Variants in ERI3 observed in about 807,000 individuals in gnomAD.
The protein encoded by ERI3 is ERI1 exoribonuclease family member 3.
ERI3 carries 18 observed loss-of-function variants against 44.4 expected under a neutral mutation model. The ratio of observed to expected loss-of-function variants is 0.41; its 90% CI spans 0.28 to 0.60. The LOEUF (loss-of-function observed/expected upper bound fraction) is 0.60. ERI3 is among the 20% of genes least tolerant of loss of function. The pLI is 0.36. For missense variants in ERI3, 294 were observed against 435.5 expected (o/e 0.68, Z 2.89); for synonymous variants, 183 against 164.8 (o/e 1.11, Z -0.84).
chr1:44,281,463 T>G (rs1000475048), intron 7 of ERI3, among the ~76,000 whole-genome samples: 3 of 151,484 alleles, frequency 2.0e-5, no homozygotes, highest in African/African-American at 7.3e-5. Context: ...TGGTGGGCAC[T>G]TGTAGTCCCA....
At chr1:44,282,948 T>G (rs1313512344) in intron 7 of ERI3, among the ~76,000 whole-genome samples, 1 of 152,164 alleles carries the variant, frequency 6.6e-6, no homozygotes, top group Non-Finnish European at 1.5e-5. Flanking sequence ...TGGCCCTGAG[T>G]GACAACGTTA....
At chr1:44,301,033 T>G (rs1645714178) in intron 6 of ERI3, among the ~76,000 whole-genome samples, 1 of 147,222 alleles carries the variant, frequency 6.8e-6, no homozygotes, top group African/African-American at 2.5e-5. Flanking sequence ...GGGCCAGGAT[T>G]CATTTCCCTG....
intron 2 of ERI3, among the ~76,000 whole-genome samples, chr1:44,347,914 T>C (rs888192648): frequency 7.2e-5 from 11 of 152,016 alleles, no homozygotes; most frequent in Admixed American, 7.2e-4. Flanking sequence ...TGTTTTAATC[T>C]AAACTGTGCT....
chr1:44,283,929 T>A, intron 7 of ERI3: 1 of 460,940 alleles, frequency 2.2e-6, no homozygotes, highest in African/African-American at 2.0e-5. Flanking sequence ...ATCCTCGCCA[T>A]ACCTAGCCTC....
At chr1:44,271,158 C>T (rs974231893) in intron 7 of ERI3, among the ~76,000 whole-genome samples, 5 of 152,206 alleles carry the variant, frequency 3.3e-5, no homozygotes, top group African/African-American at 9.6e-5. Context: ...CTTAGGCTGG[C>T]ACCACTCTAG....
Position 44,316,169 on chromosome 1 carries a change from G to A in ERI3, c.607-2941C>T, listed in dbSNP as rs561049036. ...TACAGTTTAAGCCCAGTCCCACTTG[G>A]GTTAATACATGTTTGTAAAAAGCTT... On this transcript the variant is annotated intron_variant, in intron 4 of 8. Coordinates refer to ENST00000372257, the MANE Select transcript of ERI3 (RefSeq NM_024066.3). Among the ~76,000 whole-genome samples the A allele has an allele frequency of 7.2e-5, 11 of 152,140 alleles. No homozygotes were observed. In the South Asian group the frequency reaches 2.3e-3, roughly 32 times the overall value.
intron 7 of ERI3, among the ~76,000 whole-genome samples, chr1:44,277,032 T>G (rs777569232): frequency 3.0e-4 from 45 of 152,244 alleles, no homozygotes; most frequent in Non-Finnish European, 5.1e-4. Context: ...ATCTATTCTT[T>G]AGTAGAACTA....
chr1:44,266,919 C>T (rs1645001039), intron 7 of ERI3, among the ~76,000 whole-genome samples: 1 of 152,208 alleles, frequency 6.6e-6, no homozygotes, highest in Non-Finnish European at 1.5e-5. Context: ...ACGTAGTTTC[C>T]TTAAGACCCA....
At chr1:44,337,381 C>G (rs1025064452) in intron 3 of ERI3, among the ~76,000 whole-genome samples, 1 of 152,194 alleles carries the variant, frequency 6.6e-6, no homozygotes, top group African/African-American at 2.4e-5. Flanking sequence ...ATTTGGATCC[C>G]TAATTCCCAA....
intron 8 of ERI3, among the ~76,000 whole-genome samples, chr1:44,231,724 C>T (rs1644189070): frequency 6.6e-6 from 1 of 152,182 alleles, no homozygotes; most frequent in South Asian, 2.1e-4. Flanking sequence ...TTCAAGTAAT[C>T]AGAATTAATC....
intron 7 of ERI3, among the ~76,000 whole-genome samples, chr1:44,279,488 A>C (rs941424624): frequency 4.5e-4 from 69 of 152,288 alleles, no homozygotes; most frequent in African/African-American, 1.6e-3. Flanking sequence ...AGCCTCCCAA[A>C]GCACTGGGAT....
intron 2 of ERI3, among the ~76,000 whole-genome samples, chr1:44,342,815 ATATATATATAT>A: frequency 4.4e-4 from 4 of 9,072 alleles, no homozygotes; most frequent in African/African-American, 1.3e-3. Flanking sequence ...TCCAGCTAAT[ATATATATATAT>A]ATATATATAT....
intron 6 of ERI3, among the ~76,000 whole-genome samples, chr1:44,285,832 G>C (rs1379961535): frequency 6.6e-6 from 1 of 152,238 alleles, no homozygotes; most frequent in Non-Finnish European, 1.5e-5. Flanking sequence ...GGAAGTATCA[G>C]CCAGGAAAGA....
chr1:44,234,460 G>A (rs1268603868), intron 8 of ERI3, among the ~76,000 whole-genome samples: 1 of 151,666 alleles, frequency 6.6e-6, no homozygotes, highest in Non-Finnish European at 1.5e-5. Context: ...TCAGGATTTC[G>A]AGACCAGCCT....
chr1:44,237,736 G>C (rs1395463046), intron 8 of ERI3, among the ~76,000 whole-genome samples: 3 of 152,178 alleles, frequency 2.0e-5, no homozygotes, highest in African/African-American at 7.2e-5. Flanking sequence ...CTCAGGGTTT[G>C]TATTTCTATT....
At chr1:44,271,279 T>A (rs935404305) in intron 7 of ERI3, among the ~76,000 whole-genome samples, 1 of 152,252 alleles carries the variant, frequency 6.6e-6, no homozygotes, top group African/African-American at 2.4e-5. Context: ...TGAAAACTGC[T>A]GTGTGTAGTT....
At chr1:44,275,271 C>T (rs1645159968) in intron 7 of ERI3, among the ~76,000 whole-genome samples, 1 of 152,024 alleles carries the variant, frequency 6.6e-6, no homozygotes, top group African/African-American at 2.4e-5. Flanking sequence ...GCAGCTTAAT[C>T]CCCACAGCCC....
intron 3 of ERI3, among the ~76,000 whole-genome samples, chr1:44,325,350 C>A (rs1255726246): frequency 6.6e-6 from 1 of 152,134 alleles, no homozygotes; most frequent in East Asian, 1.9e-4. Flanking sequence ...GCTGGGATTA[C>A]AGGCTTGAGC....
intron 3 of ERI3, among the ~76,000 whole-genome samples, chr1:44,324,206 A>G (rs1257592663): frequency 6.6e-6 from 1 of 152,192 alleles, no homozygotes; most frequent in African/African-American, 2.4e-5. Context: ...AGTGGAGGAG[A>G]CAAGCCAAAG....
Sources: allele counts gnomAD v4.1 joint callset (sites outside exome capture counted in the v4.1 genomes callset), GRCh38; gene constraint gnomAD v4.1.1; transcripts MANE v1.5; gene names NCBI Gene and HGNC (gene_info 2026-07-23, HGNC 2026-07-21).